NDST3: variants seen among roughly 807,000 people sequenced by gnomAD.
NDST3 encodes bifunctional heparan sulfate N-deacetylase/N-sulfotransferase 3.
Under a neutral mutation model 96.1 loss-of-function variants are expected in NDST3, and 58 were observed. That is an observed-to-expected ratio of 0.60 (90% confidence interval 0.49 to 0.75). The LOEUF (loss-of-function observed/expected upper bound fraction) is 0.75, where lower values mean the gene tolerates loss of function less well. Ranked by LOEUF, NDST3 falls within the 30% of genes least tolerant of loss-of-function variation. The pLI, the probability that NDST3 is intolerant of heterozygous loss-of-function variation, is 0.00. For missense variants in NDST3, 788 were observed against 1,034.2 expected, an observed-to-expected ratio of 0.76 and a Z score of 3.27; for synonymous variants, 333 against 359.7, an observed-to-expected ratio of 0.93 and a Z score of 0.84.
intron 2 of NDST3, among the ~76,000 whole-genome samples, chr4:118,062,809 G>A (rs921826792): frequency 3.9e-5 from 6 of 152,106 alleles, no homozygotes; most frequent in African/African-American, 1.4e-4. Flanking sequence ...AAAAGAATGA[G>A]TTATAAATTA....
At chr4:118,113,965 A>G (rs1196441892) in intron 3 of NDST3, among the ~76,000 whole-genome samples, 2 of 152,180 alleles carry the variant, frequency 1.3e-5, no homozygotes, top group Admixed American at 1.3e-4. Context: ...TAGCCCCTTC[A>G]AATAAGGTAA....
At chr4:118,088,567 T>C (rs967468396) in intron 2 of NDST3, among the ~76,000 whole-genome samples, 3 of 152,042 alleles carry the variant, frequency 2.0e-5, no homozygotes, top group Admixed American at 2.0e-4. Flanking sequence ...AGTCAGCACC[T>C]TTGCAATTTT....
chr4:118,051,635 G>A (rs1725083880), intron 1 of NDST3, among the ~76,000 whole-genome samples: 1 of 151,978 alleles, frequency 6.6e-6, no homozygotes, highest in South Asian at 2.1e-4. Flanking sequence ...TCAGGCAAGA[G>A]AAAGAAATAA....
chr4:118,112,296 C>T (rs1432397530), intron 3 of NDST3, among the ~76,000 whole-genome samples: 1 of 151,678 alleles, frequency 6.6e-6, no homozygotes, highest in African/African-American at 2.4e-5. Context: ...TGAGCAGAGG[C>T]CAACTAAAAA....
At chr4:118,239,614 C>G (rs1300844436) in intron 10 of NDST3, among the ~76,000 whole-genome samples, 1 of 152,122 alleles carries the variant, frequency 6.6e-6, no homozygotes, top group Non-Finnish European at 1.5e-5. Flanking sequence ...ACCACTTAGT[C>G]CCTGAAAAAT....
chr4:118,200,853 T>C (rs1738030845), intron 6 of NDST3, among the ~76,000 whole-genome samples: 1 of 152,136 alleles, frequency 6.6e-6, no homozygotes, highest in Admixed American at 6.5e-5. Context: ...AGGAATATTG[T>C]ATGATGCTGA....
intron 6 of NDST3, among the ~76,000 whole-genome samples, chr4:118,210,796 G>A (rs560872714): frequency 5.6e-4 from 84 of 150,056 alleles, no homozygotes; most frequent in African/African-American, 1.8e-3. Context: ...AAAAAAAAGC[G>A]GGGGGACCCT....
At chr4:118,197,396 G>C (rs761132587) in intron 6 of NDST3, among the ~76,000 whole-genome samples, 37 of 129,600 alleles carry the variant, frequency 2.9e-4, no homozygotes, top group Non-Finnish European at 6.2e-4. Flanking sequence ...ATGCAGTGTT[G>C]AAAGTGGGAT....
In NDST3 at chr4:118,066,203, T is replaced by TTATATATTATATATTATATATTATATTA. The variant is rs1560617807; in HGVS notation, c.981+11323_981+11324insTATTATATATTATATTATATATATTATA. On this transcript the variant is annotated intron_variant, in intron 2 of 13. Transcript: ENST00000296499. The stretch of plus-strand genomic sequence containing the variant: ...TATTATATATCTTATATATTATATT[T>TTATATATTATATATTATATATTATATTA]TATATATTATACATAATATATTATA... 1.6e-3 allele frequency among the ~76,000 whole-genome samples: 114 copies of TTATATATTATATATTATATATTATATTA among 70,074 alleles called. 2 individuals carry two copies. The highest frequency in any genetic ancestry group is 6.8e-3 in the African/African-American group (113 of 16,724). 46.0% of individuals were successfully genotyped at this position (70,074 alleles called of 152,430 possible). A position where few individuals can be genotyped will look rare whatever the true frequency, so the allele number is the denominator to read the frequency against.
At chr4:118,149,022 C>A (rs1734172785) in intron 6 of NDST3, among the ~76,000 whole-genome samples, 1 of 151,968 alleles carries the variant, frequency 6.6e-6, no homozygotes, top group Admixed American at 6.6e-5. Flanking sequence ...ATCCTTTCCC[C>A]ATTGCTTGTT....
At position 118,093,055 on chromosome 4, in the gene NDST3, A is replaced by G. The variant is rs577412436; in HGVS notation, c.982-11963A>G. Among the ~76,000 whole-genome samples, 4 of 151,876 alleles carry G rather than the reference A, an allele frequency of 2.6e-5. No homozygotes were observed. The South Asian group carries it at 8.3e-4, about 31-fold the overall frequency. On this transcript the variant is annotated intron_variant, in intron 2 of 13. Coordinates refer to ENST00000296499, the MANE Select transcript of NDST3 (RefSeq NM_004784.3). The stretch of plus-strand genomic sequence containing the variant: ...TAACAGCATGAGTAAAGGCCCAGAA[A>G]CAGGAATAATCTTGTGTTTCCCTAA...
At chr4:118,147,827 A>T (rs2125911686) in intron 6 of NDST3, among the ~76,000 whole-genome samples, 1 of 152,312 alleles carries the variant, frequency 6.6e-6, no homozygotes, top group African/African-American at 2.4e-5. Context: ...CAGGGTTCTT[A>T]TCTCTAATCA....
In NDST3 at chr4:118,074,562, A is replaced by G. The variant is rs550728782; in HGVS notation, c.981+19671A>G. Among the ~76,000 whole-genome samples, 8 of 151,832 alleles carry G rather than the reference A, an allele frequency of 5.3e-5. No homozygotes were observed. The South Asian group carries it at 1.7e-3, about 32-fold the overall frequency. ...TGTTTTGTCTGAAAGAAGGATAACA[A>G]CTCCTGCTTTTCTTGTTTTCTGTTT... On this transcript the variant is annotated intron_variant, in intron 2 of 13. Coordinates refer to ENST00000296499, the MANE Select transcript of NDST3 (RefSeq NM_004784.3).
At chr4:118,216,395 T>A (rs1239232720) in intron 6 of NDST3, among the ~76,000 whole-genome samples, 1 of 152,126 alleles carries the variant, frequency 6.6e-6, no homozygotes, top group African/African-American at 2.4e-5. Context: ...AATAAATAGC[T>A]CTTCATTATT....
At chr4:118,116,147 C>T (rs1443432539) in intron 4 of NDST3, among the ~76,000 whole-genome samples, 1 of 152,184 alleles carries the variant, frequency 6.6e-6, no homozygotes, top group Non-Finnish European at 1.5e-5. Context: ...AAACTCATAT[C>T]TCAAAACAGC....
chr4:118,240,910 G>A (rs1740966237), intron 11 of NDST3, among the ~76,000 whole-genome samples: 1 of 152,106 alleles, frequency 6.6e-6, no homozygotes, highest in Admixed American at 6.5e-5. Context: ...TTTGCTGTGC[G>A]TACCTTTCCT....
At position 118,229,624 on chromosome 4, in the gene NDST3, T is replaced by C. The variant is rs747302717; in HGVS notation, c.1819+2642T>C. Among the ~76,000 whole-genome samples, 4 of 152,204 alleles carry C rather than the reference T, an allele frequency of 2.6e-5. No individual in the cohort carries two copies. In the South Asian group the frequency reaches 6.2e-4, roughly 24 times the overall value. ...ACATCCATTTTTTCTGTTTGTCTAA[T>C]GCTGGTCATGAAAGGCTATTAAAAG... On this transcript the variant is annotated intron_variant, in intron 8 of 13. Transcript: ENST00000296499.
At chr4:118,203,553 C>T (rs140404889) in intron 6 of NDST3, among the ~76,000 whole-genome samples, 41 of 152,234 alleles carry the variant, frequency 2.7e-4, no homozygotes, top group African/African-American at 9.9e-4. Flanking sequence ...TGTGTCCTTC[C>T]AGGAATTTAC....
intron 2 of NDST3, among the ~76,000 whole-genome samples, chr4:118,055,953 G>C (rs993842259): frequency 2.6e-5 from 4 of 151,090 alleles, no homozygotes; most frequent in Admixed American, 6.6e-5. Flanking sequence ...AGACTGAAAA[G>C]AAAAAAAACT....
Sources: gnomAD v4.1 joint callset for allele counts (sites outside exome capture counted in the v4.1 genomes callset) on GRCh38, gnomAD v4.1.1 for gene constraint, MANE v1.5 for transcripts, NCBI Gene and HGNC (gene_info 2026-07-23, HGNC 2026-07-21) for gene names.